The following ACSM3 variants were observed in gnomAD, a reference collection of about 807,000 sequenced individuals.
ACSM3 encodes the protein acyl-CoA synthetase medium chain family member 3.
In ACSM3, 61 loss-of-function variants were observed where a neutral mutation model predicts 74.1. The ratio of observed to expected loss-of-function variants is 0.82; its 90% CI spans 0.67 to 1.02. The LOEUF (loss-of-function observed/expected upper bound fraction) is 1.02. Among genes scored for constraint, ACSM3 ranks in the 50% least tolerant of loss-of-function variants. The pLI is 0.00. For missense variants in ACSM3, 660 were observed against 697.0 expected, an observed-to-expected ratio of 0.95 and a Z score of 0.60; for synonymous variants, 213 against 241.5, an observed-to-expected ratio of 0.88 and a Z score of 1.09.
chr16:20,749,416 A>AT (rs1274606985), intron 1 of ACSM3: 1 of 152,158 alleles, frequency 6.6e-6, no homozygotes, highest in Non-Finnish European at 1.5e-5. Flanking sequence ...CAGCCTCACC[A>AT]TCCTGCTTCT....
chr16:20,712,429 A>C (rs1254728693), intron 1 of ACSM3, among the ~76,000 whole-genome samples: 1 of 152,222 alleles, frequency 6.6e-6, no homozygotes, highest in African/African-American at 2.4e-5. Flanking sequence ...TGAGCAAAAG[A>C]AATCACAACT....
intron 1 of ACSM3, chr16:20,731,739 AG>A (rs1366050783): frequency 2.8e-6 from 1 of 357,856 alleles, no homozygotes; most frequent in African/African-American, 2.2e-5. Flanking sequence ...TATCCAAGAA[AG>A]TAAGTATTTT....
chr16:20,739,003 C>T lies in ACSM3; in HGVS notation c.-189-10907C>T, dbSNP rs756835168. ...ATGCCTTAATGTCACCAACTTCTTT[C>T]TTCAAGGCAGCCTCCGCATCATCAT... On this transcript the variant is annotated intron_variant, in intron 1 of 3. Coordinates refer to the ACSM3 transcript ENST00000561584. The T allele has an allele frequency of 9.3e-6, 15 of 1,614,106 alleles. No homozygotes were observed. The Admixed American group carries it at 2.3e-4, about 25-fold the overall frequency.
chr16:20,752,820 C>G (rs908820392), intron 2 of ACSM3, among the ~76,000 whole-genome samples: 1 of 152,226 alleles, frequency 6.6e-6, no homozygotes, highest in African/African-American at 2.4e-5. Context: ...GGAGAGCCAA[C>G]ACAACATTAT....
At chr16:20,794,309 G>A (rs1268565896) in intron 12 of ACSM3, among the ~76,000 whole-genome samples, 4 of 152,146 alleles carry the variant, frequency 2.6e-5, no homozygotes, top group African/African-American at 9.7e-5. Flanking sequence ...AGATCACTAG[G>A]TTCTTAAATT....
chr16:20,775,803 A>C, intron 2 of ACSM3, 36 bp from the exon 3 acceptor site: 1 of 1,607,744 alleles, frequency 6.2e-7, no homozygotes, highest in South Asian at 1.1e-5. Context: ...GCTGTATAAC[A>C]ACCTTTAAAT....
intron 1 of ACSM3, chr16:20,737,936 G>C (rs1477130514): frequency 6.3e-7 from 1 of 1,596,198 alleles, no homozygotes. Context: ...TGGAGAATAT[G>C]ATGCACCAAT....
At chr16:20,676,053 T>G (rs1446851914) in intron 1 of ACSM3, 1 of 152,170 alleles carries the variant, frequency 6.6e-6, no homozygotes, top group Non-Finnish European at 1.5e-5. Context: ...TACATTCCAA[T>G]CTACCTCCCT....
intron 9 of ACSM3, among the ~76,000 whole-genome samples, chr16:20,789,101 G>A (rs1039303307): frequency 6.6e-6 from 1 of 152,138 alleles, no homozygotes; most frequent in Non-Finnish European, 1.5e-5. Context: ...AAAATCTGAT[G>A]TATAAAATCA....
chr16:20,706,842 G>C (rs1401737893), intron 1 of ACSM3, among the ~76,000 whole-genome samples: 1 of 152,106 alleles, frequency 6.6e-6, no homozygotes, highest in East Asian at 1.9e-4. Context: ...AGTCCTGCTT[G>C]CATAAGGACC....
intron 1 of ACSM3, among the ~76,000 whole-genome samples, chr16:20,677,237 A>T (rs1294971153): frequency 6.6e-6 from 1 of 151,776 alleles, no homozygotes; most frequent in African/African-American, 2.4e-5. Flanking sequence ...AAAAAAAAAA[A>T]AAAAGCCTTG....
chr16:20,784,268 C>A (rs766772701), intron 7 of ACSM3, among the ~76,000 whole-genome samples: 1 of 152,128 alleles, frequency 6.6e-6, no homozygotes, highest in Non-Finnish European at 1.5e-5. Context: ...ATTAAAAATT[C>A]AATTCCTCAG....
intron 1 of ACSM3, among the ~76,000 whole-genome samples, chr16:20,741,159 G>A (rs1567332506): frequency 6.6e-6 from 1 of 152,174 alleles, no homozygotes; most frequent in Non-Finnish European, 1.5e-5. Flanking sequence ...CTACTCTGGA[G>A]GCTGAGACAG....
intron 1 of ACSM3, among the ~76,000 whole-genome samples, chr16:20,699,386 CT>C (rs796211745): frequency 2.6e-5 from 4 of 152,260 alleles, no homozygotes; most frequent in African/African-American, 9.6e-5. Flanking sequence ...AAAGTCATGG[CT>C]AAAGATTTCT....
intron 1 of ACSM3, among the ~76,000 whole-genome samples, chr16:20,675,202 C>T (rs910344523): frequency 3.3e-5 from 5 of 152,040 alleles, no homozygotes; most frequent in Non-Finnish European, 5.9e-5. Context: ...TAACTAGGCT[C>T]ACCCGGGACA....
At chr16:20,696,382 C>T (rs2079689951) in intron 1 of ACSM3, among the ~76,000 whole-genome samples, 1 of 152,194 alleles carries the variant, frequency 6.6e-6, no homozygotes, top group African/African-American at 2.4e-5. Flanking sequence ...TCTCACCGTG[C>T]TGGACATAGT....
chr16:20,796,719 C>T, intron 13 of ACSM3, 167 bp from the exon 14 acceptor site: 1 of 1,488,260 alleles, frequency 6.7e-7, no homozygotes, highest in African/African-American at 1.4e-5. Context: ...AATATCAAGA[C>T]AACTTTCCTA....
intron 1 of ACSM3, chr16:20,711,799 C>T (rs966149706): frequency 4.5e-5 from 15 of 332,182 alleles, no homozygotes; most frequent in African/African-American, 2.2e-4. Flanking sequence ...GGCTCCTACT[C>T]GGAAAAGAAT....
intron 1 of ACSM3, chr16:20,685,500 A>G (rs2079531796): frequency 2.6e-6 from 3 of 1,156,326 alleles, no homozygotes; most frequent in Non-Finnish European, 3.9e-6. Context: ...CAATGTGAAC[A>G]CAGCTTAAGG....
Sources: allele counts gnomAD v4.1 joint callset (sites outside exome capture counted in the v4.1 genomes callset), GRCh38; gene constraint gnomAD v4.1.1; transcripts MANE v1.5; gene names NCBI Gene and HGNC (gene_info 2026-07-23, HGNC 2026-07-21).